Variants in MRPL50 observed in about 807,000 individuals in gnomAD.
MRPL50 encodes the protein mitochondrial ribosomal protein L50.
MRPL50 carries 10 observed loss-of-function variants against 16.2 expected under a neutral mutation model. The observed-to-expected ratio is 0.62, with a 90% confidence interval of 0.38 to 1.05. The LOEUF (loss-of-function observed/expected upper bound fraction) is 1.05, where lower values mean the gene tolerates loss of function less well. Ranked by LOEUF, MRPL50 falls within the 50% of genes least tolerant of loss-of-function variation. The pLI, the probability that MRPL50 is intolerant of heterozygous loss-of-function variation, is 0.01. For missense variants in MRPL50, 213 were observed against 187.1 expected, an observed-to-expected ratio of 1.14 and a Z score of -0.81; for synonymous variants, 68 against 66.8, an observed-to-expected ratio of 1.02 and a Z score of -0.09.
chr9:101,389,381 T>C lies in MRPL50; in HGVS notation c.*1085A>G. On this transcript the variant is annotated 3_prime_UTR_variant, in exon 2 of 2. Transcript: ENST00000374865. ...ACCTGAAGTTCTTGAATGAAGTGCC[T>C]GTGGATGATATTTGTAGGGCATGTC... The C allele has an allele frequency of 1.9e-6, 2 of 1,027,434 alleles. No individual in the cohort carries two copies. The highest frequency in any genetic ancestry group is 2.6e-6 in the Non-Finnish European group (2 of 763,910). 63.6% of individuals were successfully genotyped at this position (1,027,434 alleles called of 1,614,324 possible).
At position 101,390,547 on chromosome 9, in the gene MRPL50, G is replaced by A; in HGVS notation, c.396C>T (p.Val132=). 1.9e-6 allele frequency: 3 copies of A among 1,613,354 alleles called. No homozygotes were observed. The highest frequency in any genetic ancestry group is 2.5e-6 in the Non-Finnish European group (3 of 1,179,494). Residue 132 remains valine, a synonymous_variant, in exon 2 of 2, where the codon GTC becomes GTT. Transcript: ENST00000374865. Reference sequence around the variant, plus strand: ...CAAATTTAGATCTATCTTGAATAGGGACATTATAGAAATCAAGAACATCTC... The same window carrying A: ...CAAATTTAGATCTATCTTGAATAGGAACATTATAGAAATCAAGAACATCTC... ...RVRDVLDFYN[V]PIQDRSKFDE... is the part of the protein sequence containing the mutation.
In MRPL50 at chr9:101,390,838, CTCTT is replaced by C. The variant is rs1267459645; in HGVS notation, c.101_104del (p.Lys34SerfsTer8). ...CTTCTACTGTCTCAACAACCACTGG[CTCTT>C]TCTCTTTTCTGGAATGATCAAAAAC... On this transcript the variant is annotated frameshift_variant, in exon 2 of 2. Coordinates refer to ENST00000374865, the MANE Select transcript of MRPL50 (RefSeq NM_019051.3). LOFTEE classifies it high-confidence loss of function. The C allele has an allele frequency of 1.3e-6, 2 of 1,593,000 alleles. No homozygotes were observed. Among genetic ancestry groups the C allele is most frequent in the African/African-American group, 2.7e-5 (2 of 73,428 alleles).
Position 101,395,175 on chromosome 9 carries a change from T to A in MRPL50, c.92+3326A>T, listed in dbSNP as rs1276617268. On this transcript the variant is annotated intron_variant, in intron 1 of 1. Transcript: ENST00000374865. ...ATGACCAACAGGTATATAAAAAAAA[T>A]GATCTCTAATCATCAGGGAAATGCA... Among the ~76,000 whole-genome samples, 14 of 151,934 alleles carry A rather than the reference T, an allele frequency of 9.2e-5. No individual in the cohort carries two copies. The East Asian group carries it at 2.5e-3, about 27-fold the overall frequency.
chr9:101,395,845 C>CTCCTTTAGT (rs377248277), intron 1 of MRPL50, among the ~76,000 whole-genome samples: 10,426 of 152,110 alleles, frequency 0.069, 472 homozygotes, highest in South Asian at 0.14. Context: ...GAGAAGAGGA[C>CTCCTTTAGT]TACAGCTAAA....
At chr9:101,391,440 C>T (rs1830269329) in intron 1 of MRPL50, among the ~76,000 whole-genome samples, 1 of 152,016 alleles carries the variant, frequency 6.6e-6, no homozygotes, top group Non-Finnish European at 1.5e-5. Context: ...CACATCCTAC[C>T]TGACTTTTAA....
Position 101,398,422 on chromosome 9 carries a change from TA to T in MRPL50, c.92+78del. 2.2e-6 allele frequency: 3 copies of T among 1,368,240 alleles called. No individual in the cohort carries two copies. The South Asian group carries it at 3.6e-5, about 16-fold the overall frequency. The allele number at this position is 1,368,240 out of a possible 1,614,324, so 84.8% of individuals were successfully genotyped here. A position where few individuals can be genotyped will look rare whatever the true frequency, so the allele number is the denominator to read the frequency against. Reference sequence around the variant, plus strand: ...GATCAGGCGCGGGACCACGATGGCGTAACACTCTATTTTGAATTCGTCCCTA... The same window carrying T: ...GATCAGGCGCGGGACCACGATGGCGTACACTCTATTTTGAATTCGTCCCTA... On this transcript the variant is annotated intron_variant, in intron 1 of 1. Coordinates refer to ENST00000374865, the MANE Select transcript of MRPL50 (RefSeq NM_019051.3).
chr9:101,394,379 A>C (rs1294011646), intron 1 of MRPL50, among the ~76,000 whole-genome samples: 2 of 152,158 alleles, frequency 1.3e-5, no homozygotes, highest in Non-Finnish European at 2.9e-5. Context: ...CAAAGCCGGT[A>C]ATCTGGCTCA....
intron 1 of MRPL50, among the ~76,000 whole-genome samples, chr9:101,393,965 C>T (rs1203350467): frequency 7.4e-6 from 1 of 135,688 alleles, no homozygotes; most frequent in Non-Finnish European, 1.6e-5. Flanking sequence ...CACAAAATGC[C>T]TTGAATAGCC....
Position 101,390,561 on chromosome 9 carries a change from C to G in MRPL50, c.382G>C (p.Asp128His), listed in dbSNP as rs1422901425. 11 of 1,613,226 alleles carry G rather than the reference C, an allele frequency of 6.8e-6. No homozygotes were observed. Among genetic ancestry groups the G allele is most frequent in the Non-Finnish European group, 9.3e-6 (11 of 1,179,474 alleles). ...HQMCRVRDVL[D>H]FYNVPIQDRS... ...TCTTGAATAGGGACATTATAGAAAT[C>G]AAGAACATCTCTAACCCTGCACATC... The change falls in exon 2 of 2, where the codon GAT (aspartate) becomes CAT (histidine). Residue 128 changes from aspartate to histidine, a missense_variant. Coordinates refer to ENST00000374865, the MANE Select transcript of MRPL50 (RefSeq NM_019051.3).
Position 101,387,977 on chromosome 9 carries a change from T to C in MRPL50, c.*2489A>G, listed in dbSNP as rs150386846. 3.9e-5 allele frequency: 6 copies of C among 152,238 alleles called. No individual in the cohort carries two copies. In the East Asian group the frequency reaches 1.2e-3, roughly 29 times the overall value. 9.4% of individuals were successfully genotyped at this position (152,238 alleles called of 1,614,324 possible). A position where few individuals can be genotyped will look rare whatever the true frequency, so the allele number is the denominator to read the frequency against. On this transcript the variant is annotated 3_prime_UTR_variant, in exon 2 of 2. Coordinates refer to ENST00000374865, the MANE Select transcript of MRPL50 (RefSeq NM_019051.3). ...CAGTGATGCCCTCTAGTGGTACTGA[T>C]GGACGTACAGTTTACCTTCCCTGTT...
rs1830230956 is a variant in MRPL50 at position 101,388,643 on chromosome 9, A to C, written c.*1823T>G. ...GATATAGTCACTGTATTGAGCTATA[A>C]ACCAGTGATGCCCTCTAGAGGTACT... On this transcript the variant is annotated 3_prime_UTR_variant, in exon 2 of 2. Coordinates refer to ENST00000374865, the MANE Select transcript of MRPL50 (RefSeq NM_019051.3). 6.6e-6 allele frequency: 1 copy of C among 152,094 alleles called. No homozygotes were observed. The allele number at this position is 152,094 out of a possible 1,614,324, so 9.4% of individuals were successfully genotyped here.
chr9:101,391,105 T>C (rs1588148614), intron 1 of MRPL50, among the ~76,000 whole-genome samples: 3 of 152,174 alleles, frequency 2.0e-5, no homozygotes, highest in East Asian at 3.9e-4. Flanking sequence ...GTAAGGTAAA[T>C]CATTGTCTGG....
chr9:101,392,637 A>G (rs1026616694), intron 1 of MRPL50, among the ~76,000 whole-genome samples: 19 of 152,068 alleles, frequency 1.2e-4, no homozygotes, highest in Non-Finnish European at 2.4e-4. Context: ...GGCTGTAATA[A>G]AAGTCTCCCA....
chr9:101,389,336 A>C lies in MRPL50; in HGVS notation c.*1130T>G. On this transcript the variant is annotated 3_prime_UTR_variant, in exon 2 of 2. Coordinates refer to ENST00000374865, the MANE Select transcript of MRPL50 (RefSeq NM_019051.3). ...GAATCAACTCTAATGTCTAAGCTCC[A>C]GAGCTCCAGGCACTCTGACACCTGA... is the stretch of plus-strand genomic sequence containing the variant. The C allele has an allele frequency of 1.7e-6, 1 of 601,428 alleles. No individual in the cohort carries two copies. The highest frequency in any genetic ancestry group is 2.5e-6 in the Non-Finnish European group (1 of 401,670). 37.3% of individuals were successfully genotyped at this position (601,428 alleles called of 1,614,324 possible). A position where few individuals can be genotyped will look rare whatever the true frequency, so the allele number is the denominator to read the frequency against.
intron 1 of MRPL50, among the ~76,000 whole-genome samples, chr9:101,392,767 G>A (rs1167514428): frequency 6.6e-6 from 1 of 151,844 alleles, no homozygotes; most frequent in African/African-American, 2.4e-5. Flanking sequence ...GAAGAGGAGA[G>A]AATACTTCCA....
intron 1 of MRPL50, 26 bp downstream of exon 1, chr9:101,398,475 A>G (rs1588151401): frequency 5.0e-6 from 8 of 1,596,096 alleles, no homozygotes; most frequent in Non-Finnish European, 6.9e-6. Flanking sequence ...CTTGAACATG[A>G]CCCACCGTCC....
chr9:101,395,218 G>A (rs149934571), intron 1 of MRPL50, among the ~76,000 whole-genome samples: 1,842 of 152,118 alleles, frequency 0.012, 43 homozygotes, highest in African/African-American at 0.042. Flanking sequence ...AACACAATGA[G>A]GTATTATCTC....
At chr9:101,393,438 G>C (rs1830299057) in intron 1 of MRPL50, among the ~76,000 whole-genome samples, 1 of 151,936 alleles carries the variant, frequency 6.6e-6, no homozygotes, top group Admixed American at 6.6e-5. Flanking sequence ...GTTCTTATTT[G>C]ATATATGATC....
chr9:101,389,945 A>C lies in MRPL50; in HGVS notation c.*521T>G. On this transcript the variant is annotated 3_prime_UTR_variant, in exon 2 of 2. Coordinates refer to ENST00000374865, the MANE Select transcript of MRPL50 (RefSeq NM_019051.3). ...GGCAGAGCGCAAGCAAATTTCACTT[A>C]AAAAATTTACAACACACAATACACT... 1.1e-6 allele frequency: 1 copy of C among 888,622 alleles called. No homozygotes were observed. Among genetic ancestry groups the C allele is most frequent in the Middle Eastern group, 5.8e-4 (1 of 1,732 alleles). The allele number at this position is 888,622 out of a possible 1,614,324, so 55.0% of individuals were successfully genotyped here. A position where few individuals can be genotyped will look rare whatever the true frequency, so the allele number is the denominator to read the frequency against.
Sources: gnomAD v4.1 joint callset for allele counts (sites outside exome capture counted in the v4.1 genomes callset) on GRCh38, gnomAD v4.1.1 for gene constraint, MANE v1.5 for transcripts, NCBI Gene and HGNC (gene_info 2026-07-23, HGNC 2026-07-21) for gene names.